MTCL2: variants seen among roughly 807,000 people sequenced by gnomAD.
The protein encoded by MTCL2 is microtubule crosslinking factor 2, also known as microtubule cross-linking factor 2.
At chr20:36,794,270 T>C in the MTCL2 span, 4 of 1,551,724 alleles carry the variant, frequency 2.6e-6, no homozygotes. This position sits in a 1 kb window ranked among gnomAD's most constrained non-coding sequence, Gnocchi z 5.4. Flanking sequence ...GATCTTGCCC[T>C]CTTTGTCATG....
At chr20:36,795,567 G>T in the MTCL2 span, among the ~76,000 whole-genome samples, 1 of 152,232 alleles carries the variant, frequency 6.6e-6, no homozygotes, top group Admixed American at 6.5e-5. Context: ...CTGAGGTCAG[G>T]AGTTTGAGAC....
the MTCL2 span, chr20:36,815,834 C>T: frequency 6.3e-7 from 1 of 1,598,094 alleles, no homozygotes; most frequent in African/African-American, 1.3e-5. This position sits in a 1 kb window ranked among gnomAD's most constrained non-coding sequence, Gnocchi z 5.3. Flanking sequence ...GCAGCTTGTT[C>T]TGGTCCTCGA....
chr20:36,787,314 A>T, the MTCL2 span, among the ~76,000 whole-genome samples: 2 of 151,844 alleles, frequency 1.3e-5, no homozygotes, highest in Admixed American at 6.6e-5. Context: ...TACAACCTCC[A>T]CCTCACGGAT....
chr20:36,779,700 G>C, the MTCL2 span: 1 of 152,126 alleles, frequency 6.6e-6, no homozygotes. Flanking sequence ...TATCAGAGTT[G>C]GGAAACCACA....
At chr20:36,817,414 A>G in the MTCL2 span, 13 of 1,592,682 alleles carry the variant, frequency 8.2e-6, no homozygotes, top group Middle Eastern at 5.1e-4. Flanking sequence ...TACCTGCACC[A>G]AAGTCTTCTT....
the MTCL2 span, among the ~76,000 whole-genome samples, chr20:36,786,829 T>C: frequency 2.4e-4 from 36 of 152,276 alleles, no homozygotes; most frequent in South Asian, 7.3e-3. Flanking sequence ...TGGAAGTTCA[T>C]TGTAATATAT....
chr20:36,814,387 G>A, the MTCL2 span, among the ~76,000 whole-genome samples: 6 of 152,182 alleles, frequency 3.9e-5, no homozygotes, highest in South Asian at 4.1e-4. Context: ...GATTTAGAAG[G>A]ACAAGCTGCA....
chr20:36,843,231 A>G, the MTCL2 span, among the ~76,000 whole-genome samples: 88 of 152,264 alleles, frequency 5.8e-4, 1 homozygote, highest in East Asian at 8.7e-3. Context: ...TGCTCTTCCA[A>G]TGGTCAGCCT....
At chr20:36,788,768 T>C in the MTCL2 span, among the ~76,000 whole-genome samples, 2 of 152,150 alleles carry the variant, frequency 1.3e-5, no homozygotes, top group African/African-American at 4.8e-5. Context: ...GAGCTTTGAT[T>C]TCCTCCCCTC....
At chr20:36,841,724 G>A in the MTCL2 span, among the ~76,000 whole-genome samples, 55 of 152,128 alleles carry the variant, frequency 3.6e-4, 1 homozygote, top group Non-Finnish European at 7.1e-4. Context: ...TTTGAGATGG[G>A]GTCTCACTCT....
At chr20:36,797,688 G>A in the MTCL2 span, 29 of 940,628 alleles carry the variant, frequency 3.1e-5, no homozygotes, top group Non-Finnish European at 4.5e-5. Flanking sequence ...CCTACATCAT[G>A]GACAAGGGGC....
chr20:36,857,770 C>T, the MTCL2 span, among the ~76,000 whole-genome samples: 1 of 152,130 alleles, frequency 6.6e-6, no homozygotes, highest in South Asian at 2.1e-4. Flanking sequence ...GGCCTGGTAC[C>T]CAGGAGCCAC....
At chr20:36,835,466 T>G in the MTCL2 span, among the ~76,000 whole-genome samples, 1 of 151,648 alleles carries the variant, frequency 6.6e-6, no homozygotes, top group Non-Finnish European at 1.5e-5. Context: ...CACCAAGCGG[T>G]AGGGGCAAGT....
chr20:36,806,675 G>A, the MTCL2 span, among the ~76,000 whole-genome samples: 6 of 151,816 alleles, frequency 4.0e-5, no homozygotes, highest in Admixed American at 1.3e-4. Flanking sequence ...GTGCACCACC[G>A]TTCCCAGCTA....
At chr20:36,854,040 G>C in the MTCL2 span, among the ~76,000 whole-genome samples, 1 of 152,158 alleles carries the variant, frequency 6.6e-6, no homozygotes, top group Non-Finnish European at 1.5e-5. Flanking sequence ...AGGGATAGAA[G>C]GCAAAGCTCC....
At chr20:36,789,967 C>T in the MTCL2 span, among the ~76,000 whole-genome samples, 1 of 151,400 alleles carries the variant, frequency 6.6e-6, no homozygotes, top group African/African-American at 2.4e-5. Flanking sequence ...GCATGTGCCA[C>T]CATGCCCAGC....
At chr20:36,792,897 C>A in the MTCL2 span, among the ~76,000 whole-genome samples, 3 of 142,938 alleles carry the variant, frequency 2.1e-5, no homozygotes, top group African/African-American at 7.7e-5. Flanking sequence ...GACAGACAGA[C>A]AGATAGATAA....
the MTCL2 span, among the ~76,000 whole-genome samples, chr20:36,841,419 G>C: frequency 1.3e-5 from 2 of 151,948 alleles, no homozygotes; most frequent in Non-Finnish European, 2.9e-5. Context: ...ATAGGGTGAG[G>C]GGGGGTGCTA....
the MTCL2 span, among the ~76,000 whole-genome samples, chr20:36,849,615 T>C: frequency 1.3e-5 from 2 of 152,038 alleles, no homozygotes; most frequent in Non-Finnish European, 2.9e-5. Flanking sequence ...TTGTATTTTT[T>C]GTAGAGAGGG....
Sources: allele counts gnomAD v4.1 joint callset (sites outside exome capture counted in the v4.1 genomes callset), GRCh38; gene constraint gnomAD v4.1.1; non-coding constraint Gnocchi (gnomAD v3.1); transcripts MANE v1.5; gene names NCBI Gene and HGNC (gene_info 2026-07-23, HGNC 2026-07-21).